ABR: variants seen among roughly 807,000 people sequenced by gnomAD.
The protein encoded by ABR is ABR activator of RhoGEF and GTPase.
ABR carries 35 observed loss-of-function variants against 107.2 expected under a neutral mutation model. The ratio of observed to expected loss-of-function variants is 0.33; its 90% CI spans 0.25 to 0.43. ABR has a LOEUF of 0.43. Ranked by LOEUF, ABR falls within the 20% of genes least tolerant of loss-of-function variation. The pLI, the probability that ABR is intolerant of heterozygous loss-of-function variation, is 1.00. For synonymous variants in ABR, 498 were observed against 462.0 expected, an observed-to-expected ratio of 1.08 and a Z score of -1.00; for missense variants, 815 against 1,115.2, an observed-to-expected ratio of 0.73 and a Z score of 3.83.
chr17:1,170,221 G>A (rs905353423), intron 1 of ABR, among the ~76,000 whole-genome samples: 10 of 152,032 alleles, frequency 6.6e-5, no homozygotes, highest in African/African-American at 2.4e-4. Context: ...GGGGCTTGGG[G>A]GCAAGACGCA....
chr17:1,034,769 G>A (rs545514587), intron 16 of ABR, among the ~76,000 whole-genome samples: 2 of 152,156 alleles, frequency 1.3e-5, no homozygotes, highest in South Asian at 2.1e-4. Context: ...CTTCAGAATC[G>A]GCCCCTCACT....
chr17:1,019,203 C>G (rs1177631004), intron 16 of ABR, among the ~76,000 whole-genome samples: 1 of 152,216 alleles, frequency 6.6e-6, no homozygotes, highest in Non-Finnish European at 1.5e-5. Flanking sequence ...AGGACTGCAC[C>G]TCCTGATGCT....
chr17:1,006,567 T>C lies in ABR; in HGVS notation c.2491-398A>G, dbSNP rs1284862041. Among the ~76,000 whole-genome samples, 7 of 152,136 alleles carry C rather than the reference T, an allele frequency of 4.6e-5. No individual in the cohort carries two copies. The South Asian group carries it at 1.2e-3, about 27-fold the overall frequency. The stretch of plus-strand genomic sequence containing the variant: ...GGCCCTCCTGAGAATGCAGCCAGCA[T>C]CTCTGGGCCCTGGTCTAGGCTCACA... On this transcript the variant is annotated intron_variant, in intron 22 of 22. Coordinates refer to ENST00000302538, the MANE Select transcript of ABR (RefSeq NM_021962.5).
chr17:1,067,300 A>T, intron 9 of ABR, 58 bp from the exon 10 acceptor site: 1 of 1,484,414 alleles, frequency 6.7e-7, no homozygotes, highest in Non-Finnish European at 8.9e-7. Flanking sequence ...TCCAGCCTCA[A>T]CTCTTGGGTC....
At chr17:1,055,951 G>C in intron 14 of ABR, 84 bp downstream of exon 14, 2 of 1,319,530 alleles carry the variant, frequency 1.5e-6, no homozygotes. Context: ...ATGTCTAAAG[G>C]CGTGCTGGCA....
At chr17:1,081,023 G>A (rs181959297) in intron 5 of ABR, among the ~76,000 whole-genome samples, 7 of 152,164 alleles carry the variant, frequency 4.6e-5, no homozygotes, top group Admixed American at 2.0e-4. Flanking sequence ...TGGGCAGGCT[G>A]TGAGGGGCTT....
At position 1,084,119 on chromosome 17, in the gene ABR, C is replaced by G. The variant is rs989579353; in HGVS notation, c.532-492G>C. On this transcript the variant is annotated intron_variant, in intron 4 of 22. Transcript: ENST00000302538. This position sits in a 1 kb window ranked among gnomAD's most constrained non-coding sequence, Gnocchi z 4.2. ...ATTTAAAGGTGCTGTCTTGGCCGGG[C>G]GTGGCGGCTCACGCCTGTAACCCCA... Among the ~76,000 whole-genome samples the G allele has an allele frequency of 1.3e-5, 2 of 152,206 alleles. No homozygotes were observed. Among genetic ancestry groups the G allele is most frequent in the African/African-American group, 4.8e-5 (2 of 41,466 alleles).
chr17:1,142,277 T>C (rs2040316091), intron 1 of ABR, among the ~76,000 whole-genome samples: 1 of 151,862 alleles, frequency 6.6e-6, no homozygotes, highest in African/African-American at 2.4e-5. Context: ...GTGAGCGTCT[T>C]TACAACCAAA....
rs573673528 is a variant in ABR at position 1,012,405 on chromosome 17, G to A, written c.1961+283C>T. The A allele has an allele frequency of 2.1e-3, 1,393 of 669,802 alleles. 7 individuals are homozygous for A. The highest frequency in any genetic ancestry group is 2.0e-3 in the Non-Finnish European group (734 of 364,410). The allele number at this position is 669,802 out of a possible 1,614,324, so 41.5% of individuals were successfully genotyped here. A position where few individuals can be genotyped will look rare whatever the true frequency, so the allele number is the denominator to read the frequency against. Reference sequence around the variant, plus strand: ...GTCCCCGTTGGTGCCGAGCCCAAACGTAGGCCCCCGGCTGACAGAGCTTCC... The same window carrying A: ...GTCCCCGTTGGTGCCGAGCCCAAACATAGGCCCCCGGCTGACAGAGCTTCC... On this transcript the variant is annotated intron_variant, in intron 18 of 22. Coordinates refer to ENST00000302538, the MANE Select transcript of ABR (RefSeq NM_021962.5).
chr17:1,208,899 A>C (rs1395011801), intron 1 of ABR, among the ~76,000 whole-genome samples: 1 of 151,920 alleles, frequency 6.6e-6, no homozygotes, highest in Non-Finnish European at 1.5e-5. Flanking sequence ...AAAAAAAAAA[A>C]AAAAAGCCTG....
chr17:1,180,629 TC>T (rs2042104827), upstream of ABR, among the ~76,000 whole-genome samples: 1 of 151,922 alleles, frequency 6.6e-6, no homozygotes, highest in African/African-American at 2.4e-5. Flanking sequence ...CTCCACGCGT[TC>T]CCCTCCAGGA....
chr17:1,140,929 G>A (rs566433443), intron 1 of ABR, among the ~76,000 whole-genome samples: 16 of 150,698 alleles, frequency 1.1e-4, no homozygotes, highest in South Asian at 6.6e-4. Context: ...AGCTGAGATC[G>A]CACCACAGCA....
At chr17:1,007,762 G>T (rs1003762302) in intron 21 of ABR, among the ~76,000 whole-genome samples, 2 of 152,368 alleles carry the variant, frequency 1.3e-5, no homozygotes, top group East Asian at 3.9e-4. Flanking sequence ...GCCAGCAACT[G>T]GTAGAGCTGG....
At chr17:1,215,333 T>C (rs1341957840) in intron 1 of ABR, among the ~76,000 whole-genome samples, 2 of 150,682 alleles carry the variant, frequency 1.3e-5, no homozygotes, top group African/African-American at 4.8e-5. Flanking sequence ...CACTGCAAGC[T>C]CCCTGCCTGA....
At chr17:1,146,617 C>G (rs1162739112) in intron 1 of ABR, among the ~76,000 whole-genome samples, 1 of 150,106 alleles carries the variant, frequency 6.7e-6, no homozygotes, top group Non-Finnish European at 1.5e-5. Context: ...CACATGACAC[C>G]ACTGCCACCA....
chr17:1,104,391 A>G (rs1172489263), intron 2 of ABR, among the ~76,000 whole-genome samples: 2 of 152,214 alleles, frequency 1.3e-5, no homozygotes. Context: ...TTCCAGGCCA[A>G]GCAAAGACAC....
chr17:1,221,679 G>C (rs924452281), intron 1 of ABR, among the ~76,000 whole-genome samples: 3 of 152,110 alleles, frequency 2.0e-5, no homozygotes, highest in Non-Finnish European at 4.4e-5. Context: ...AAGGCGGGAG[G>C]GCTCTTCAAA....
Position 1,050,412 on chromosome 17 carries a change from A to G in ABR, c.1659+125T>C. ...ACACACCGCGATCAGAAGCCAGAGG[A>G]GCAGGGAGCAGAAAGGGGGGTGCAG... On this transcript the variant is annotated intron_variant, in intron 15 of 22. Transcript: ENST00000302538. This position sits in a 1 kb window ranked among gnomAD's most constrained non-coding sequence, Gnocchi z 4.6. 6 of 1,021,876 alleles carry G rather than the reference A, an allele frequency of 5.9e-6. No homozygotes were observed. Among genetic ancestry groups the G allele is most frequent in the Non-Finnish European group, 9.0e-6 (6 of 668,268 alleles). 63.3% of individuals were successfully genotyped at this position (1,021,876 alleles called of 1,614,324 possible). A position where few individuals can be genotyped will look rare whatever the true frequency, so the allele number is the denominator to read the frequency against.
At chr17:1,149,637 G>A (rs958484323) in intron 1 of ABR, among the ~76,000 whole-genome samples, 15 of 152,134 alleles carry the variant, frequency 9.9e-5, no homozygotes, top group African/African-American at 3.6e-4. Flanking sequence ...AGCTGGTCTC[G>A]AACTCCTGAC....
Sources: gnomAD v4.1 joint callset for allele counts (sites outside exome capture counted in the v4.1 genomes callset) on GRCh38, gnomAD v4.1.1 for gene constraint, Gnocchi (gnomAD v3.1) non-coding constraint, MANE v1.5 for transcripts, NCBI Gene and HGNC (gene_info 2026-07-23, HGNC 2026-07-21) for gene names.